Variants in AKAP7 observed in about 807,000 individuals in gnomAD.
AKAP7 encodes the protein A-kinase anchoring protein 7, also known as A kinase (PRKA) anchor protein 7.
In AKAP7, 39 loss-of-function variants were observed where a neutral mutation model predicts 39.5. That is an observed-to-expected ratio of 0.99 (90% CI 0.76 to 1.29). AKAP7 has a LOEUF of 1.29. AKAP7 is among the 50% of genes most tolerant of loss of function. The pLI is 0.00. For missense variants in AKAP7, 414 were observed against 407.7 expected (o/e 1.02, Z -0.13); for synonymous variants, 140 against 139.1 (o/e 1.01, Z -0.05).
At chr6:131,127,107 G>A in the AKAP7 span, among the ~76,000 whole-genome samples, 8 of 151,794 alleles carry the variant, frequency 5.3e-5, no homozygotes, top group African/African-American at 1.9e-4. Context: ...GTGCAGTGGC[G>A]CGATCTCGGC....
At chr6:131,176,279 CTG>C (rs2128250424) in intron 5 of AKAP7, among the ~76,000 whole-genome samples, 1 of 150,642 alleles carries the variant, frequency 6.6e-6, no homozygotes, top group East Asian at 1.9e-4. Context: ...TTGAGTGATC[CTG>C]TGTGTTTTTT....
intron 7 of AKAP7, among the ~76,000 whole-genome samples, chr6:131,222,708 A>G (rs770300968): frequency 3.9e-5 from 6 of 152,180 alleles, no homozygotes; most frequent in Non-Finnish European, 4.4e-5. Flanking sequence ...ATCCTTAAAC[A>G]TTGTTGAAAT....
Position 131,282,598 on chromosome 6 carries a change from G to A in AKAP7, c.*872G>A. ...ATGACGTTGATTTCAGCACAACTTT[G>A]ACATAAGCTCTACATTGCGATTGTG... On this transcript the variant is annotated 3_prime_UTR_variant, in exon 8 of 8. Transcript: ENST00000431975. 1 of 1,534,322 alleles carries A rather than the reference G, an allele frequency of 6.5e-7. No individual in the cohort carries two copies.
intron 7 of AKAP7, among the ~76,000 whole-genome samples, chr6:131,243,537 C>G (rs1441546407): frequency 1.3e-5 from 2 of 152,138 alleles, no homozygotes; most frequent in Non-Finnish European, 2.9e-5. Context: ...ATTGAGGATT[C>G]ACTTTCATTC....
chr6:131,188,372 G>T (rs1004643633), intron 5 of AKAP7, among the ~76,000 whole-genome samples: 1 of 152,138 alleles, frequency 6.6e-6, no homozygotes, highest in East Asian at 1.9e-4. Flanking sequence ...TTTCTTTAAA[G>T]TTTCAGGTGA....
intron 7 of AKAP7, among the ~76,000 whole-genome samples, chr6:131,261,209 CAA>C (rs370266418): frequency 6.5e-4 from 71 of 108,502 alleles, no homozygotes; most frequent in Middle Eastern, 5.8e-3. Context: ...ACTCTGTCTC[CAA>C]AAAAAAAAAA....
At chr6:131,192,797 T>C (rs1054293379) in intron 5 of AKAP7, among the ~76,000 whole-genome samples, 8 of 152,302 alleles carry the variant, frequency 5.3e-5, no homozygotes, top group Non-Finnish European at 1.0e-4. Context: ...TAGAAATTTT[T>C]TGCTTCTTTG....
At chr6:131,250,395 T>C in intron 7 of AKAP7, 1 of 1,446,794 alleles carries the variant, frequency 6.9e-7, no homozygotes, top group Non-Finnish European at 9.1e-7. Context: ...CGGCAGCAAG[T>C]TCCCTTCTCC....
chr6:131,204,894 G>A (rs1417487116), intron 6 of AKAP7, among the ~76,000 whole-genome samples: 1 of 152,152 alleles, frequency 6.6e-6, no homozygotes, highest in Non-Finnish European at 1.5e-5. Context: ...ACTGAAGCCA[G>A]ATGGTGTCCT....
At chr6:131,252,098 C>T (rs144589143) in intron 7 of AKAP7, among the ~76,000 whole-genome samples, 6 of 152,310 alleles carry the variant, frequency 3.9e-5, no homozygotes, top group Admixed American at 2.6e-4. Flanking sequence ...CATCTGAAGA[C>T]GTCAAGTTTC....
At chr6:131,197,962 A>G (rs1035661754) in intron 5 of AKAP7, among the ~76,000 whole-genome samples, 3 of 152,154 alleles carry the variant, frequency 2.0e-5, no homozygotes, top group African/African-American at 7.2e-5. Flanking sequence ...GTTGAAAGGA[A>G]GTGGTGTATC....
intron 5 of AKAP7, among the ~76,000 whole-genome samples, chr6:131,172,625 G>A (rs1804180878): frequency 6.6e-6 from 1 of 152,110 alleles, no homozygotes; most frequent in Admixed American, 6.5e-5. Flanking sequence ...ACTGTGCCCA[G>A]CCCCTCCTTT....
intron 7 of AKAP7, among the ~76,000 whole-genome samples, chr6:131,261,750 G>A (rs942644235): frequency 3.9e-5 from 6 of 151,982 alleles, no homozygotes; most frequent in Admixed American, 2.0e-4. Context: ...TGCCTCTGTC[G>A]TTCATGTCTT....
chr6:131,126,445 GC>G, the AKAP7 span, among the ~76,000 whole-genome samples: 1 of 152,168 alleles, frequency 6.6e-6, no homozygotes, highest in Non-Finnish European at 1.5e-5. Flanking sequence ...AGATTTATGA[GC>G]AGGCAAAAAC....
chr6:131,130,116 T>G, the AKAP7 span, among the ~76,000 whole-genome samples: 2 of 152,208 alleles, frequency 1.3e-5, no homozygotes, highest in South Asian at 4.1e-4. Context: ...AATCTGAACC[T>G]GAACACTTCC....
intron 5 of AKAP7, among the ~76,000 whole-genome samples, chr6:131,173,624 G>A (rs1585009701): frequency 1.3e-5 from 2 of 152,310 alleles, no homozygotes; most frequent in East Asian, 3.9e-4. Flanking sequence ...GTAGGCCAAT[G>A]AGAAGGCAAC....
intron 5 of AKAP7, among the ~76,000 whole-genome samples, chr6:131,171,866 G>A (rs1401316585): frequency 6.6e-6 from 1 of 152,184 alleles, no homozygotes; most frequent in African/African-American, 2.4e-5. Flanking sequence ...ATTATTGGAC[G>A]TACATTAGAA....
At chr6:131,155,019 A>AT (rs61452028) in intron 2 of AKAP7, among the ~76,000 whole-genome samples, 1 of 149,290 alleles carries the variant, frequency 6.7e-6, no homozygotes, top group Non-Finnish European at 1.5e-5. Flanking sequence ...CAAAGATAGT[A>AT]TTTTTTTTTT....
At chr6:131,211,533 A>C (rs1422896777) in intron 6 of AKAP7, among the ~76,000 whole-genome samples, 1 of 151,924 alleles carries the variant, frequency 6.6e-6, no homozygotes, top group Non-Finnish European at 1.5e-5. Flanking sequence ...TGGGAGGCTG[A>C]GGTGGGCGGA....
Sources: allele counts gnomAD v4.1 joint callset (sites outside exome capture counted in the v4.1 genomes callset), GRCh38; gene constraint gnomAD v4.1.1; transcripts MANE v1.5; gene names NCBI Gene and HGNC (gene_info 2026-07-23, HGNC 2026-07-21).